The following TRIOBP variants were observed in gnomAD, a reference collection of about 807,000 sequenced individuals.
TRIOBP encodes TRIO and F-actin binding protein.
A neutral mutation model predicts 238.8 loss-of-function variants in TRIOBP; 169 were observed. The ratio of observed to expected loss-of-function variants is 0.71; its 90% CI spans 0.62 to 0.80. The LOEUF (loss-of-function observed/expected upper bound fraction) is 0.80. Among genes scored for constraint, TRIOBP ranks in the 30% least tolerant of loss-of-function variants. The pLI, the probability that TRIOBP is intolerant of heterozygous loss-of-function variation, is 0.00. For missense variants in TRIOBP, 2,838 were observed against 3,122.6 expected (o/e 0.91, Z 2.17); for synonymous variants, 1,150 against 1,274.4 (o/e 0.90, Z 2.08).
intron 3 of TRIOBP, among the ~76,000 whole-genome samples, chr22:37,709,278 G>A (rs1353810620): frequency 2.0e-5 from 3 of 152,228 alleles, no homozygotes; most frequent in Non-Finnish European, 4.4e-5. Flanking sequence ...CTGGGCTCCA[G>A]GGTCCCCAGG....
At chr22:37,722,930 A>G (rs1226140797) in intron 6 of TRIOBP, among the ~76,000 whole-genome samples, 2 of 152,200 alleles carry the variant, frequency 1.3e-5, no homozygotes, top group African/African-American at 4.8e-5. Flanking sequence ...GTGGCCTTCC[A>G]GTTCTTGAAC....
intron 17 of TRIOBP, chr22:37,760,111 T>C (rs1926168098): frequency 6.5e-6 from 1 of 154,320 alleles, no homozygotes; most frequent in African/African-American, 2.4e-5. Flanking sequence ...TTGTCGAAAC[T>C]TTACTGGTCC....
chr22:37,755,287 G>A (rs962455903), intron 14 of TRIOBP, 97 bp downstream of exon 14: 1 of 1,276,844 alleles, frequency 7.8e-7, no homozygotes, highest in Non-Finnish European at 1.1e-6. Flanking sequence ...CATGGAGACT[G>A]GATCCCTTCA....
chr22:37,721,000 G>A (rs1424672622), intron 6 of TRIOBP, among the ~76,000 whole-genome samples: 1 of 151,540 alleles, frequency 6.6e-6, no homozygotes, highest in Non-Finnish European at 1.5e-5. Context: ...TGGGATTACA[G>A]GCATGCACTA....
intron 14 of TRIOBP, 26 bp downstream of exon 14, chr22:37,755,216 T>C: frequency 6.2e-7 from 1 of 1,602,412 alleles, no homozygotes; most frequent in Non-Finnish European, 8.5e-7. Context: ...GCTTGGGGGC[T>C]GGTGGTGGGC....
chr22:37,735,468 G>A (rs1021398929), intron 9 of TRIOBP, 26 bp downstream of exon 9: 2 of 1,546,254 alleles, frequency 1.3e-6, no homozygotes, highest in Admixed American at 2.0e-5. Context: ...CCCTCCCAAG[G>A]GTAGCCAGAA....
At chr22:37,728,432 C>G (rs1924281168) in intron 7 of TRIOBP, among the ~76,000 whole-genome samples, 1 of 152,038 alleles carries the variant, frequency 6.6e-6, no homozygotes, top group Non-Finnish European at 1.5e-5. Context: ...GAAACTCCAT[C>G]TCAAAAAAAG....
intron 11 of TRIOBP, among the ~76,000 whole-genome samples, chr22:37,742,030 T>C (rs559326407): frequency 2.6e-5 from 4 of 152,280 alleles, no homozygotes; most frequent in Middle Eastern, 3.4e-3. Context: ...CCATCTCTAC[T>C]CACTGCAACC....
intron 3 of TRIOBP, among the ~76,000 whole-genome samples, chr22:37,705,390 ACAAAGAATATGCAAAGGCCCTGAGG>A (rs1922882537): frequency 1.3e-5 from 2 of 151,796 alleles, no homozygotes; most frequent in Non-Finnish European, 2.9e-5. Context: ...AAACAAACAA[ACAAAGAATATGCAAAGGCCCTGAGG>A]CAGAAAGGAG....
chr22:37,754,047 A>G (rs1030210135), intron 12 of TRIOBP, among the ~76,000 whole-genome samples: 2 of 152,148 alleles, frequency 1.3e-5, no homozygotes, highest in African/African-American at 4.8e-5. Flanking sequence ...CCCAATCACA[A>G]ATCCTAAACT....
At chr22:37,715,735 C>T (rs768699521) in intron 5 of TRIOBP, 28 bp from the exon 6 acceptor site, 3 of 1,612,062 alleles carry the variant, frequency 1.9e-6, no homozygotes, top group Non-Finnish European at 1.7e-6. Flanking sequence ...CTCCCGCAAA[C>T]ATACTTTCTC....
At chr22:37,732,556 G>T (rs1184819204) in intron 7 of TRIOBP, among the ~76,000 whole-genome samples, 1 of 149,896 alleles carries the variant, frequency 6.7e-6, no homozygotes, top group East Asian at 2.0e-4. Context: ...GTTTATGTTG[G>T]CCTCTCTGAA....
intron 5 of TRIOBP, 113 bp from the exon 6 acceptor site, chr22:37,715,650 T>A (rs1923473377): frequency 7.8e-7 from 1 of 1,286,550 alleles, no homozygotes; most frequent in African/African-American, 1.5e-5. Flanking sequence ...GCCAGGGAAG[T>A]GCTTTTTAAT....
intron 11 of TRIOBP, among the ~76,000 whole-genome samples, chr22:37,748,079 A>G (rs1229875757): frequency 6.6e-6 from 1 of 152,194 alleles, no homozygotes; most frequent in Non-Finnish European, 1.5e-5. Context: ...ACGGGTGGTC[A>G]TGTTTGAGAA....
At chr22:37,731,183 G>A (rs999410503) in intron 7 of TRIOBP, among the ~76,000 whole-genome samples, 4 of 151,876 alleles carry the variant, frequency 2.6e-5, no homozygotes, top group African/African-American at 9.7e-5. Flanking sequence ...TTTCACCCAG[G>A]CTGGAATGCA....
chr22:37,744,295 C>A (rs1925108824), intron 11 of TRIOBP, among the ~76,000 whole-genome samples: 1 of 151,992 alleles, frequency 6.6e-6, no homozygotes, highest in South Asian at 2.1e-4. Context: ...CAGGCATAAA[C>A]CACCGCGCCC....
At chr22:37,755,448 G>A (rs1430729066) in intron 14 of TRIOBP, 102 bp from the exon 15 acceptor site, 25 of 1,109,382 alleles carry the variant, frequency 2.3e-5, no homozygotes, top group East Asian at 2.0e-4. Context: ...CAAGACCTTA[G>A]ATGCATCCTG....
At chr22:37,751,735 C>G in intron 11 of TRIOBP, 37 bp from the exon 12 acceptor site, 1 of 1,612,960 alleles carries the variant, frequency 6.2e-7, no homozygotes. Context: ...TGGCTTCCTG[C>G]TGGACCCAAC....
intron 3 of TRIOBP, 57 bp from the exon 4 acceptor site, chr22:37,710,370 G>T: frequency 6.2e-7 from 1 of 1,607,604 alleles, no homozygotes; most frequent in Admixed American, 1.7e-5. Flanking sequence ...GCTGTGCAGG[G>T]GGAGGGGAGC....
Sources: allele counts gnomAD v4.1 joint callset (sites outside exome capture counted in the v4.1 genomes callset), GRCh38; gene constraint gnomAD v4.1.1; transcripts MANE v1.5; gene names NCBI Gene and HGNC (gene_info 2026-07-23, HGNC 2026-07-21).